The following VTI1A variants were observed in gnomAD, a reference collection of about 807,000 sequenced individuals.
VTI1A encodes the protein vesicle transport through interaction with t-SNAREs homolog 1A.
In VTI1A, 22 loss-of-function variants were observed where a neutral mutation model predicts 34.9. The observed-to-expected ratio is 0.63, with a 90% CI of 0.45 to 0.90. The LOEUF (loss-of-function observed/expected upper bound fraction) is 0.90. Ranked by LOEUF, VTI1A falls within the 40% of genes least tolerant of loss-of-function variation. VTI1A has a pLI of 0.00. For synonymous variants in VTI1A, 87 were observed against 97.3 expected (o/e 0.89, Z 0.62); for missense variants, 268 against 275.6 (o/e 0.97, Z 0.20).
chr10:112,851,091 A>G, the VTI1A span, among the ~76,000 whole-genome samples: 1 of 152,226 alleles, frequency 6.6e-6, no homozygotes, highest in African/African-American at 2.4e-5. Context: ...GAAGGCCTGC[A>G]TTTGCAAACA....
intron 3 of VTI1A, among the ~76,000 whole-genome samples, chr10:112,482,390 G>C (rs1393824043): frequency 1.3e-5 from 2 of 152,150 alleles, no homozygotes; most frequent in Non-Finnish European, 2.9e-5. Context: ...GTGTCTAGAA[G>C]TAGAGATCTA....
chr10:112,719,064 AATTACCTGT>A (rs1048664734), intron 7 of VTI1A, among the ~76,000 whole-genome samples: 2 of 152,194 alleles, frequency 1.3e-5, no homozygotes, highest in African/African-American at 4.8e-5. Flanking sequence ...CTGCTTCTGA[AATTACCTGT>A]ATTCACTGTA....
At chr10:112,843,496 C>T in the VTI1A span, among the ~76,000 whole-genome samples, 1 of 152,256 alleles carries the variant, frequency 6.6e-6, no homozygotes, top group Non-Finnish European at 1.5e-5. Context: ...GTATGCAACA[C>T]ACTTGCACTC....
intron 3 of VTI1A, among the ~76,000 whole-genome samples, chr10:112,472,698 A>G (rs1434782444): frequency 6.6e-6 from 1 of 152,100 alleles, no homozygotes; most frequent in African/African-American, 2.4e-5. Context: ...TTTCTGTGGA[A>G]GCTATGGGAA....
In VTI1A at chr10:112,520,639, GTGTGTGTGTATA is replaced by G. The variant is rs1234448230; in HGVS notation, c.265-6446_265-6435del. Reference sequence around the variant, plus strand: ...TCTCTATATGTGTGTGTGTGTGTGTGTGTGTGTGTATATATATATATATATATATATATAAAA... The same window carrying G: ...TCTCTATATGTGTGTGTGTGTGTGTGTATATATATATATATATATATAAAA... On this transcript the variant is annotated intron_variant, in intron 3 of 7. Coordinates refer to ENST00000393077, the MANE Select transcript of VTI1A (RefSeq NM_145206.4). Among the ~76,000 whole-genome samples, 145 of 128,252 alleles carry G rather than the reference GTGTGTGTGTATA, an allele frequency of 1.1e-3. 2 individuals carry two copies. The highest frequency in any genetic ancestry group is 8.9e-3 in the South Asian group (32 of 3,608). 84.1% of individuals were successfully genotyped at this position (128,252 alleles called of 152,430 possible). A position where few individuals can be genotyped will look rare whatever the true frequency, so the allele number is the denominator to read the frequency against.
chr10:112,575,961 T>C (rs1041103664), intron 5 of VTI1A, among the ~76,000 whole-genome samples: 1 of 152,082 alleles, frequency 6.6e-6, no homozygotes, highest in Non-Finnish European at 1.5e-5. Context: ...TCTTTGTTTG[T>C]TCATTCTGTG....
At chr10:112,765,677 G>A (rs1419777331) in intron 7 of VTI1A, among the ~76,000 whole-genome samples, 5 of 152,130 alleles carry the variant, frequency 3.3e-5, no homozygotes, top group African/African-American at 7.2e-5. Flanking sequence ...TCAAATAATC[G>A]CACAAATTTG....
At chr10:112,462,192 T>C (rs1847750032) in intron 2 of VTI1A, among the ~76,000 whole-genome samples, 1 of 152,206 alleles carries the variant, frequency 6.6e-6, no homozygotes, top group South Asian at 2.1e-4. Context: ...AAAACTCTTT[T>C]GATTTGACTA....
chr10:112,460,140 A>T (rs1426712573), intron 1 of VTI1A, among the ~76,000 whole-genome samples: 1 of 152,204 alleles, frequency 6.6e-6, no homozygotes, highest in African/African-American at 2.4e-5. Flanking sequence ...TTTGTATATA[A>T]CTTTTAAATT....
intron 1 of VTI1A, among the ~76,000 whole-genome samples, chr10:112,453,152 A>G (rs931194574): frequency 2.0e-5 from 3 of 152,162 alleles, no homozygotes; most frequent in African/African-American, 4.8e-5. Context: ...GATTTGCTCA[A>G]TGTTTTTCTC....
At chr10:112,458,260 G>T (rs887612173) in intron 1 of VTI1A, among the ~76,000 whole-genome samples, 2 of 152,106 alleles carry the variant, frequency 1.3e-5, no homozygotes, top group African/African-American at 4.8e-5. Context: ...CTCCTGATAC[G>T]TAAATACACC....
chr10:112,735,194 A>G (rs1850409923), intron 7 of VTI1A, among the ~76,000 whole-genome samples: 1 of 152,120 alleles, frequency 6.6e-6, no homozygotes, highest in Non-Finnish European at 1.5e-5. Context: ...TTTTATATGC[A>G]GTTGCCAAAA....
At chr10:112,662,913 GCTT>G (rs201310302) in intron 5 of VTI1A, among the ~76,000 whole-genome samples, 8 of 113,726 alleles carry the variant, frequency 7.0e-5, no homozygotes, top group Admixed American at 1.2e-4. Context: ...CTGTGTTTAT[GCTT>G]CTTCTTACAA....
At chr10:112,790,862 T>C (rs1852446439) in intron 7 of VTI1A, among the ~76,000 whole-genome samples, 1 of 151,964 alleles carries the variant, frequency 6.6e-6, no homozygotes, top group African/African-American at 2.4e-5. Context: ...AGGAGGATTT[T>C]TGCTGGTCTG....
chr10:112,848,228 G>A, the VTI1A span, among the ~76,000 whole-genome samples: 2 of 152,170 alleles, frequency 1.3e-5, no homozygotes, highest in Non-Finnish European at 2.9e-5. Context: ...GCAGTGCTGG[G>A]ATCACCTGCC....
intron 3 of VTI1A, among the ~76,000 whole-genome samples, chr10:112,483,117 G>T (rs917740942): frequency 1.3e-5 from 2 of 152,176 alleles, no homozygotes; most frequent in Non-Finnish European, 2.9e-5. Flanking sequence ...GTGCCAGTTT[G>T]TTGGTGCTCA....
chr10:112,525,923 C>G (rs1260700041), intron 3 of VTI1A, among the ~76,000 whole-genome samples: 1 of 152,168 alleles, frequency 6.6e-6, no homozygotes, highest in Non-Finnish European at 1.5e-5. Flanking sequence ...GACATCTGCT[C>G]TGGAATTATT....
At position 112,517,484 on chromosome 10, in the gene VTI1A, A is replaced by G. The variant is rs79892080; in HGVS notation, c.265-9603A>G. On this transcript the variant is annotated intron_variant, in intron 3 of 7. Transcript: ENST00000393077. ...AGATACTCCGCCCTCAAGGGGGTGG[A>G]GCCTAATTCCCAACTCCTTACCTGT... is the stretch of plus-strand genomic sequence containing the variant. 7.9e-3 allele frequency among the ~76,000 whole-genome samples: 1,197 copies of G among 152,218 alleles called. 15 individuals are homozygous for G. The highest frequency in any genetic ancestry group is 0.027 in the African/African-American group (1,119 of 41,534).
chr10:112,802,129 G>A (rs1034684846), intron 7 of VTI1A, among the ~76,000 whole-genome samples: 3 of 152,184 alleles, frequency 2.0e-5, no homozygotes, highest in African/African-American at 7.2e-5. Context: ...TGCACCTGTG[G>A]TCCCAGCTAT....
Sources: gnomAD v4.1 joint callset for allele counts (sites outside exome capture counted in the v4.1 genomes callset) on GRCh38, gnomAD v4.1.1 for gene constraint, MANE v1.5 for transcripts, NCBI Gene and HGNC (gene_info 2026-07-23, HGNC 2026-07-21) for gene names.